Variants in LGR5 observed in about 807,000 individuals in gnomAD.
The protein encoded by LGR5 is leucine rich repeat containing G protein-coupled receptor 5, also known as leucine-rich repeat-containing G protein-coupled receptor 5.
Under a neutral mutation model 76.7 loss-of-function variants are expected in LGR5, and 54 were observed. The observed-to-expected ratio is 0.70, with a 90% CI of 0.57 to 0.88. The LOEUF is 0.88. LGR5 is among the 40% of genes least tolerant of loss of function. LGR5 has a pLI of 0.00. For synonymous variants in LGR5, 406 were observed against 421.9 expected (o/e 0.96, Z 0.46); for missense variants, 1,078 against 1,073.3 (o/e 1.00, Z -0.06).
Position 71,440,406 on chromosome 12 carries a change from G to C in LGR5, c.212+114G>C. ...GCCTGCTCGTGGGGGAGGGGGGCGA[G>C]TTTGTCAAGGGCATCCTGGCCAGGC... On this transcript the variant is annotated intron_variant, in intron 1 of 17. Transcript: ENST00000266674. This position sits in a 1 kb window ranked among gnomAD's most constrained non-coding sequence, Gnocchi z 5.3. 1 of 988,396 alleles carries C rather than the reference G, an allele frequency of 1.0e-6. No homozygotes were observed. Among genetic ancestry groups the C allele is most frequent in the Non-Finnish European group, 1.5e-6 (1 of 647,610 alleles). 61.2% of individuals were successfully genotyped at this position (988,396 alleles called of 1,614,324 possible).
chr12:71,508,170 G>A (rs1323370186), intron 2 of LGR5, among the ~76,000 whole-genome samples: 2 of 152,118 alleles, frequency 1.3e-5, no homozygotes, highest in Non-Finnish European at 2.9e-5. Flanking sequence ...AGAGGTTGCA[G>A]TGAGTCGAGA....
Position 71,577,820 on chromosome 12 carries a change from T to C in LGR5, c.1209-105T>C, listed in dbSNP as rs1878923931. On this transcript the variant is annotated intron_variant, in intron 13 of 17. Transcript: ENST00000266674. ...TTTGATAAGTTAATTGTTTCTGATC[T>C]GAATGGAAATTAAATTAATTTTGGT... 6 of 735,020 alleles carry C rather than the reference T, an allele frequency of 8.2e-6. No homozygotes were observed. In the South Asian group the frequency reaches 1.0e-4, roughly 13 times the overall value. 45.5% of individuals were successfully genotyped at this position (735,020 alleles called of 1,614,324 possible).
intron 13 of LGR5, among the ~76,000 whole-genome samples, chr12:71,575,031 G>A (rs1182884772): frequency 1.3e-5 from 2 of 152,186 alleles, no homozygotes; most frequent in East Asian, 1.9e-4. Context: ...CATGTTCTGA[G>A]CACAAGATCA....
rs182210513 is a variant in LGR5 at position 71,464,417 on chromosome 12, A to G, written c.212+24125A>G. On this transcript the variant is annotated intron_variant, in intron 1 of 17. Coordinates refer to ENST00000266674, the MANE Select transcript of LGR5 (RefSeq NM_003667.4). ...CTTTGAACTACAAGTGAAATATACA[A>G]TCTGGTTAGGGGTATCTGACATATT... Among the ~76,000 whole-genome samples, 27 of 152,290 alleles carry G rather than the reference A, an allele frequency of 1.8e-4. No homozygotes were observed. In the East Asian group the frequency reaches 4.1e-3, roughly 23 times the overall value.
At chr12:71,480,670 G>A (rs768552534) in intron 1 of LGR5, among the ~76,000 whole-genome samples, 2 of 152,184 alleles carry the variant, frequency 1.3e-5, no homozygotes, top group Non-Finnish European at 2.9e-5. Flanking sequence ...CTGGAATATA[G>A]ACTCTATGGA....
chr12:71,491,469 G>A, intron 1 of LGR5, among the ~76,000 whole-genome samples: 1 of 152,032 alleles, frequency 6.6e-6, no homozygotes, highest in Middle Eastern at 3.4e-3. Flanking sequence ...CTTTTCTTTA[G>A]AGAATAAAGT....
intron 11 of LGR5, among the ~76,000 whole-genome samples, chr12:71,569,639 A>T (rs1878511617): frequency 6.6e-6 from 1 of 152,254 alleles, no homozygotes; most frequent in African/African-American, 2.4e-5. Context: ...AATGGCAATT[A>T]TTAAAAAGTC....
At position 71,465,712 on chromosome 12, in the gene LGR5, T is replaced by C. The variant is rs7136573; in HGVS notation, c.212+25420T>C. On this transcript the variant is annotated intron_variant, in intron 1 of 17. Coordinates refer to ENST00000266674, the MANE Select transcript of LGR5 (RefSeq NM_003667.4). Reference sequence around the variant, plus strand: ...ATTTAACACCTGGCAGAAGGATGTTTTTCAGTTTCCTCTATTAGAAACTTA... The same window carrying C: ...ATTTAACACCTGGCAGAAGGATGTTCTTCAGTTTCCTCTATTAGAAACTTA... Among the ~76,000 whole-genome samples the C allele has an allele frequency of 6.8e-3, 1,042 of 152,294 alleles. 12 individuals carry two copies. The highest frequency in any genetic ancestry group is 0.023 in the African/African-American group (970 of 41,552).
chr12:71,581,116 C>G (rs1348760505), intron 16 of LGR5, among the ~76,000 whole-genome samples: 1 of 152,182 alleles, frequency 6.6e-6, no homozygotes, highest in Non-Finnish European at 1.5e-5. Context: ...CTCCAGAAGA[C>G]AAAATCCATT....
chr12:71,495,441 T>C (rs945748792), intron 1 of LGR5, among the ~76,000 whole-genome samples: 1 of 151,432 alleles, frequency 6.6e-6, no homozygotes. Flanking sequence ...GTTTAGCTTA[T>C]ATCTGCAGTG....
At chr12:71,461,139 G>T (rs565422135) in intron 1 of LGR5, among the ~76,000 whole-genome samples, 2 of 152,130 alleles carry the variant, frequency 1.3e-5, no homozygotes, top group Non-Finnish European at 2.9e-5. Flanking sequence ...TAGATCTCCA[G>T]GCTTCTGATG....
rs1205132627 is a variant in LGR5, at chr12:71,569,387, AG to A, written c.1071-2126del. Among the ~76,000 whole-genome samples the A allele has an allele frequency of 2.0e-5, 3 of 152,378 alleles. No individual in the cohort carries two copies. In the East Asian group the frequency reaches 5.8e-4, roughly 29 times the overall value. On this transcript the variant is annotated intron_variant, in intron 11 of 17. Transcript: ENST00000266674. Reference sequence around the variant, plus strand: ...GCGAACAGACAACCTACAGAATAGGAGAAAATTTTTGCAATCTATCCATCTG... The same window carrying A: ...GCGAACAGACAACCTACAGAATAGGAAAAATTTTTGCAATCTATCCATCTG...
intron 3 of LGR5, among the ~76,000 whole-genome samples, chr12:71,529,870 C>CTCTGG (rs1320782068): frequency 1.3e-5 from 2 of 151,312 alleles, no homozygotes; most frequent in Non-Finnish European, 2.9e-5. Context: ...GCACAAGAAT[C>CTCTGG]TCTTGAACCT....
chr12:71,576,114 G>C lies in LGR5; in HGVS notation c.1209-1811G>C, dbSNP rs1245884665. On this transcript the variant is annotated intron_variant, in intron 13 of 17. Coordinates refer to ENST00000266674, the MANE Select transcript of LGR5 (RefSeq NM_003667.4). ...GGTGGCAGGGGGAGGGAAAGCATCA[G>C]GATAAATAGTTAATGCATGCAGGGC... is the stretch of plus-strand genomic sequence containing the variant. Among the ~76,000 whole-genome samples, 9 of 152,116 alleles carry C rather than the reference G, an allele frequency of 5.9e-5. No individual in the cohort carries two copies. In the East Asian group the frequency reaches 1.7e-3, roughly 29 times the overall value.
intron 11 of LGR5, among the ~76,000 whole-genome samples, chr12:71,568,609 C>G (rs1878460447): frequency 6.6e-6 from 1 of 152,108 alleles, no homozygotes; most frequent in African/African-American, 2.4e-5. Context: ...TTTGTTCTTC[C>G]CAATGACCCT....
intron 4 of LGR5, among the ~76,000 whole-genome samples, chr12:71,543,327 T>C (rs1876979318): frequency 6.6e-6 from 1 of 152,180 alleles, no homozygotes; most frequent in South Asian, 2.1e-4. Context: ...TTAGAGTTGA[T>C]CTATCTGCCA....
chr12:71,460,297 A>G (rs1477523425), intron 1 of LGR5, among the ~76,000 whole-genome samples: 1 of 152,172 alleles, frequency 6.6e-6, no homozygotes, highest in African/African-American at 2.4e-5. Flanking sequence ...AAGAGTCACA[A>G]GGACTCATGG....
At chr12:71,570,386 T>C (rs1355510252) in intron 11 of LGR5, among the ~76,000 whole-genome samples, 1 of 152,214 alleles carries the variant, frequency 6.6e-6, no homozygotes, top group African/African-American at 2.4e-5. Flanking sequence ...AAGGCAACAC[T>C]ATGCCTTTAT....
At chr12:71,517,945 CT>C (rs1180843695) in intron 2 of LGR5, among the ~76,000 whole-genome samples, 1 of 152,108 alleles carries the variant, frequency 6.6e-6, no homozygotes, top group African/African-American at 2.4e-5. Context: ...TCAGCTTGGA[CT>C]TTTCTTCCAC....
Sources: gnomAD v4.1 joint callset for allele counts (sites outside exome capture counted in the v4.1 genomes callset) on GRCh38, gnomAD v4.1.1 for gene constraint, Gnocchi (gnomAD v3.1) non-coding constraint, MANE v1.5 for transcripts, NCBI Gene and HGNC (gene_info 2026-07-23, HGNC 2026-07-21) for gene names.